Variants in FRMD4A observed in about 807,000 individuals in gnomAD.
FRMD4A encodes FERM domain containing 4A, also known as FERM domain-containing protein 4A.
Under a neutral mutation model 129.1 loss-of-function variants are expected in FRMD4A, and 29 were observed. That is an observed-to-expected ratio of 0.22 (90% CI 0.17 to 0.31). FRMD4A has a LOEUF of 0.31. Among genes scored for constraint, FRMD4A ranks in the 10% least tolerant of loss-of-function variants. The probability of loss-of-function intolerance (pLI) is 1.00; values close to 1 mark genes in which losing one functional copy is unlikely to be tolerated. For synonymous variants in FRMD4A, 634 were observed against 571.6 expected (o/e 1.11, Z -1.56); for missense variants, 1,272 against 1,375.8 (o/e 0.92, Z 1.19).
intron 21 of FRMD4A, 67 bp downstream of exon 21, chr10:13,659,256 T>A (rs1469271642): frequency 7.2e-7 from 1 of 1,384,276 alleles, no homozygotes; most frequent in African/African-American, 1.4e-5. Flanking sequence ...TGGGCCAGCT[T>A]GGGGCTGACA....
At chr10:14,038,119 G>A (rs1442306595) in intron 2 of FRMD4A, among the ~76,000 whole-genome samples, 2 of 152,160 alleles carry the variant, frequency 1.3e-5, no homozygotes, top group East Asian at 1.9e-4. Context: ...TCAGGAGATC[G>A]AGACCATCCT....
intron 2 of FRMD4A, among the ~76,000 whole-genome samples, chr10:14,030,599 C>G (rs537788358): frequency 6.6e-6 from 1 of 152,194 alleles, no homozygotes; most frequent in Non-Finnish European, 1.5e-5. Flanking sequence ...GCCATATAGA[C>G]AACAAGCTGC....
chr10:13,740,185 T>C lies in FRMD4A; in HGVS notation c.672+9A>G, dbSNP rs1303434539. 1 of 1,542,870 alleles carries C rather than the reference T, an allele frequency of 6.5e-7. No individual in the cohort carries two copies. The highest frequency in any genetic ancestry group is 9.0e-7 in the Non-Finnish European group (1 of 1,115,674). On this transcript the variant is annotated intron_variant, in intron 11 of 24. Transcript: ENST00000357447. ...GGTTTGGTAACCTTCACCAAATGAG[T>C]CTACTCACCTTCACTGCATAATAGT...
chr10:13,827,791 G>A (rs140555091), intron 3 of FRMD4A, among the ~76,000 whole-genome samples: 2,751 of 152,294 alleles, frequency 0.018, 33 homozygotes, highest in Non-Finnish European at 0.028. Context: ...GGAGATTGGA[G>A]GGTGAGGCCC....
At chr10:13,774,680 C>A (rs1296655063) in intron 6 of FRMD4A, among the ~76,000 whole-genome samples, 1 of 152,112 alleles carries the variant, frequency 6.6e-6, no homozygotes, top group African/African-American at 2.4e-5. Context: ...ACAGGGACAC[C>A]CACTGGGGGA....
At chr10:14,030,826 A>G (rs1238598977) in intron 2 of FRMD4A, among the ~76,000 whole-genome samples, 1 of 152,162 alleles carries the variant, frequency 6.6e-6, no homozygotes, top group Non-Finnish European at 1.5e-5. Context: ...TTTCCCACTC[A>G]GGATGCATTT....
chr10:13,728,573 C>CTTTTTTTTTTTTTTTTTTTTT (rs10706168), intron 12 of FRMD4A, among the ~76,000 whole-genome samples: 807 of 78,284 alleles, frequency 0.01, 161 homozygotes, highest in Non-Finnish European at 0.012. Flanking sequence ...GATTACCATT[C>CTTTTTTTTTTTTTTTTTTTTT]TTTTTTTTTT....
chr10:14,275,431 A>G lies in FRMD4A; in HGVS notation c.45+54627T>C, dbSNP rs893901370. 3.9e-5 allele frequency among the ~76,000 whole-genome samples: 6 copies of G among 152,232 alleles called. No homozygotes were observed. The South Asian group carries it at 1.2e-3, about 32-fold the overall frequency. ...ATCTTTCCTTTTAACCAAAATGTCC[A>G]GACACAACTTGTGTTTCCATAAGCA... On this transcript the variant is annotated intron_variant, in intron 2 of 24. Coordinates refer to ENST00000357447, the MANE Select transcript of FRMD4A (RefSeq NM_018027.5).
At chr10:14,124,625 G>A (rs1176857154) in intron 2 of FRMD4A, among the ~76,000 whole-genome samples, 2 of 152,144 alleles carry the variant, frequency 1.3e-5, no homozygotes, top group Non-Finnish European at 2.9e-5. Flanking sequence ...GCAGTGAGCC[G>A]AGATCATGCC....
rs1423940116 is a variant in FRMD4A, at chr10:14,330,247, C to T, written c.-81-64G>A. The T allele has an allele frequency of 1.1e-5, 8 of 744,578 alleles. No individual in the cohort carries two copies. The East Asian group carries it at 2.2e-4, about 20-fold the overall frequency. The allele number at this position is 744,578 out of a possible 1,614,324, so 46.1% of individuals were successfully genotyped here. ...AAAGGCTCAAGGGGAAGATAGGCCA[C>T]CTTTCACACAGGGTGGGGAGGAGGT... On this transcript the variant is annotated intron_variant, in intron 1 of 24. Transcript: ENST00000357447.
chr10:14,195,019 T>C (rs955943503), intron 2 of FRMD4A, among the ~76,000 whole-genome samples: 1 of 152,192 alleles, frequency 6.6e-6, no homozygotes, highest in African/African-American at 2.4e-5. Flanking sequence ...ATCATCTCTG[T>C]TTCCTTACAT....
chr10:14,246,802 C>T (rs1452198208), intron 2 of FRMD4A, among the ~76,000 whole-genome samples: 3 of 152,014 alleles, frequency 2.0e-5, no homozygotes, highest in African/African-American at 4.8e-5. Context: ...AGAGAAAACG[C>T]GGAGATAGTG....
chr10:14,025,024 C>A (rs1014640599), intron 2 of FRMD4A, among the ~76,000 whole-genome samples: 1 of 152,246 alleles, frequency 6.6e-6, no homozygotes, highest in African/African-American at 2.4e-5. Flanking sequence ...GAGAACGTAT[C>A]AGACCTTGTT....
At position 13,733,046 on chromosome 10, in the gene FRMD4A, C is replaced by A. The variant is rs186353519; in HGVS notation, c.759+4798G>T. ...CTTCAGATGAGTTCCTGATGTACAG[C>A]GGAGGTTAAGAGCCACTGGCCTGGA... On this transcript the variant is annotated intron_variant, in intron 12 of 24. Coordinates refer to ENST00000357447, the MANE Select transcript of FRMD4A (RefSeq NM_018027.5). 8.7e-4 allele frequency among the ~76,000 whole-genome samples: 133 copies of A among 152,300 alleles called. 3 individuals carry two copies. The East Asian group carries it at 0.025, about 28-fold the overall frequency.
intron 8 of FRMD4A, among the ~76,000 whole-genome samples, chr10:13,758,692 G>T (rs141374716): frequency 1.3e-5 from 2 of 152,108 alleles, no homozygotes; most frequent in African/African-American, 4.8e-5. Flanking sequence ...TTTTTGCTGA[G>T]AGCCTTCTTT....
intron 2 of FRMD4A, among the ~76,000 whole-genome samples, chr10:13,995,718 T>A (rs983064193): frequency 6.6e-6 from 1 of 152,198 alleles, no homozygotes; most frequent in Non-Finnish European, 1.5e-5. Context: ...TCGTTGACAA[T>A]TGGTCTTCAG....
intron 3 of FRMD4A, among the ~76,000 whole-genome samples, chr10:13,817,237 G>C (rs1458566928): frequency 6.6e-6 from 1 of 152,150 alleles, no homozygotes; most frequent in Non-Finnish European, 1.5e-5. Flanking sequence ...AAATACTTAG[G>C]GAAGAAAGGA....
At chr10:13,951,501 A>G (rs542695314) in intron 2 of FRMD4A, among the ~76,000 whole-genome samples, 10 of 152,262 alleles carry the variant, frequency 6.6e-5, no homozygotes, top group African/African-American at 2.4e-4. Context: ...GTGGAGTAGA[A>G]GGGCTGGAGA....
At chr10:13,775,749 GA>G (rs1420086570) in intron 6 of FRMD4A, among the ~76,000 whole-genome samples, 5 of 152,148 alleles carry the variant, frequency 3.3e-5, no homozygotes, top group Non-Finnish European at 5.9e-5. Context: ...GGAGGTCCTG[GA>G]AAAACAACAG....
Sources: gnomAD v4.1 joint callset for allele counts (sites outside exome capture counted in the v4.1 genomes callset) on GRCh38, gnomAD v4.1.1 for gene constraint, MANE v1.5 for transcripts, NCBI Gene and HGNC (gene_info 2026-07-23, HGNC 2026-07-21) for gene names.